Variants in SAMD12 observed in about 807,000 individuals in gnomAD.
The protein encoded by SAMD12 is sterile alpha motif domain containing 12.
Under a neutral mutation model 15.0 loss-of-function variants are expected in SAMD12, and 9 were observed. The ratio of observed to expected loss-of-function variants is 0.60; its 90% CI spans 0.36 to 1.05. SAMD12 has a LOEUF of 1.05. SAMD12 is among the 50% of genes least tolerant of loss of function. The pLI is 0.01. For missense variants in SAMD12, 230 were observed against 234.2 expected (o/e 0.98, Z 0.12); for synonymous variants, 86 against 90.1 (o/e 0.96, Z 0.25).
rs563678003 is a variant in SAMD12 at position 118,490,631 on chromosome 8, C to A, written c.193-50670G>T. Among the ~76,000 whole-genome samples, 13 of 152,252 alleles carry A rather than the reference C, an allele frequency of 8.5e-5. No homozygotes were observed. The East Asian group carries it at 1.9e-3, about 23-fold the overall frequency. On this transcript the variant is annotated intron_variant, in intron 2 of 3. Coordinates refer to ENST00000314727, the MANE Select transcript of SAMD12 (RefSeq NM_207506.3). ...TCCCTCTCACATCTCAGGAATACCA[C>A]GTCAATTCCTTTCCATGAAGTCCAA... is the stretch of plus-strand genomic sequence containing the variant.
intron 2 of SAMD12, among the ~76,000 whole-genome samples, chr8:118,548,077 C>T (rs1170408767): frequency 2.0e-5 from 3 of 152,100 alleles, no homozygotes; most frequent in Non-Finnish European, 4.4e-5. Flanking sequence ...TCTTTCTCAA[C>T]TCATGAAGAA....
chr8:118,479,905 T>A (rs956524463), intron 2 of SAMD12, among the ~76,000 whole-genome samples: 1 of 152,056 alleles, frequency 6.6e-6, no homozygotes, highest in African/African-American at 2.4e-5. Context: ...GCACATATTA[T>A]CTCTTGAAAA....
Position 118,439,955 on chromosome 8 carries a change from T to C in SAMD12, c.199A>G (p.Thr67Ala). ...GCCACCGGTTTAGATAGCTTCACCGTAGCTGACTATAAATAAAGAAGGAAG... is the reference window on the plus strand; with the variant it reads ...GCCACCGGTTTAGATAGCTTCACCGCAGCTGACTATAAATAAAGAAGGAAG... The part of the protein sequence containing the change: ...QAEAETAKSA[T>A]VKLSKPVALW... Residue 67 changes from threonine to alanine, a missense_variant, in exon 3 of 4, where the codon ACG (threonine) becomes GCG (alanine). By Grantham distance (58) the Thr-to-Ala change is moderately conservative. Coordinates refer to ENST00000314727, the MANE Select transcript of SAMD12 (RefSeq NM_207506.3). 2 of 1,613,478 alleles carry C rather than the reference T, an allele frequency of 1.2e-6. No individual in the cohort carries two copies. Among genetic ancestry groups the C allele is most frequent in the East Asian group, 2.2e-5 (1 of 44,874 alleles).
At chr8:118,502,461 T>C (rs986424374) in intron 2 of SAMD12, among the ~76,000 whole-genome samples, 1 of 152,216 alleles carries the variant, frequency 6.6e-6, no homozygotes, top group Non-Finnish European at 1.5e-5. Context: ...TTTACAATTA[T>C]TTGCCAGCCT....
At chr8:118,472,942 GGTATTTCCCA>G in intron 2 of SAMD12, among the ~76,000 whole-genome samples, 1 of 151,612 alleles carries the variant, frequency 6.6e-6, no homozygotes, top group South Asian at 2.1e-4. Flanking sequence ...AGGAGTGCTA[GGTATTTCCCA>G]GTATTTCCCA....
intron 3 of SAMD12, among the ~76,000 whole-genome samples, chr8:118,401,498 G>A (rs1158748317): frequency 1.3e-5 from 2 of 151,438 alleles, no homozygotes; most frequent in Non-Finnish European, 2.9e-5. Flanking sequence ...TGCCTCACAA[G>A]TGACTGGAAC....
chr8:118,513,510 T>A (rs1049095367), intron 2 of SAMD12, among the ~76,000 whole-genome samples: 2 of 152,176 alleles, frequency 1.3e-5, no homozygotes, highest in African/African-American at 4.8e-5. Flanking sequence ...AACCATAAAA[T>A]ATGTACATCT....
chr8:118,335,900 A>G (rs1817034151), intron 4 of SAMD12, among the ~76,000 whole-genome samples: 1 of 151,976 alleles, frequency 6.6e-6, no homozygotes, highest in South Asian at 2.1e-4. Context: ...CTAGCCCTCT[A>G]AGTTTTGTAC....
intron 3 of SAMD12, among the ~76,000 whole-genome samples, chr8:118,430,093 A>C (rs1366215810): frequency 6.6e-6 from 1 of 152,178 alleles, no homozygotes; most frequent in Non-Finnish European, 1.5e-5. Context: ...GAATTTTGTC[A>C]AATGCTTTCT....
intron 2 of SAMD12, among the ~76,000 whole-genome samples, chr8:118,486,625 C>T (rs1824294266): frequency 6.6e-6 from 1 of 152,066 alleles, no homozygotes; most frequent in African/African-American, 2.4e-5. Context: ...TTGATTTTAG[C>T]CCAAGGAGAC....
intron 4 of SAMD12, among the ~76,000 whole-genome samples, chr8:118,316,544 AC>A (rs200865747): frequency 0.092 from 13,966 of 151,924 alleles, 824 homozygotes; most frequent in Non-Finnish European, 0.12. Flanking sequence ...AAACAAACAA[AC>A]AAAAATTTGG....
rs545043625 is a variant in SAMD12 at position 118,239,103 on chromosome 8, A to T, written c.434-41371T>A. Reference sequence around the variant, plus strand: ...CACACCAGGGTATTCTTATGCCATGAGGATGGGGATGATGGTAGTGGTGAT... The same window carrying T: ...CACACCAGGGTATTCTTATGCCATGTGGATGGGGATGATGGTAGTGGTGAT... On this transcript the variant is annotated intron_variant, in intron 4 of 4. Coordinates refer to the SAMD12 transcript ENST00000409003. Among the ~76,000 whole-genome samples the T allele has an allele frequency of 2.0e-5, 3 of 152,250 alleles. No individual in the cohort carries two copies. The East Asian group carries it at 5.8e-4, about 29-fold the overall frequency.
chr8:118,243,107 C>A (rs914792080), intron 4 of SAMD12, among the ~76,000 whole-genome samples: 2 of 152,096 alleles, frequency 1.3e-5, no homozygotes, highest in African/African-American at 4.8e-5. Flanking sequence ...TGATGGAATG[C>A]TAGGCATCAA....
At chr8:118,308,706 A>G (rs1316769876) in intron 4 of SAMD12, among the ~76,000 whole-genome samples, 1 of 122,892 alleles carries the variant, frequency 8.1e-6, no homozygotes, top group Non-Finnish European at 1.6e-5. Context: ...AATATGTTGT[A>G]CACATGACTT....
rs1563861845 is a variant in SAMD12 at position 118,440,692 on chromosome 8, ACACAAAC to A, written c.193-738_193-732del. ...CACACACACACACACACACACACACACACAAACACACACACACACACACATATAAAAA... is the reference window on the plus strand; with the variant it reads ...CACACACACACACACACACACACACAACACACACACACACACATATAAAAA... On this transcript the variant is annotated intron_variant, in intron 2 of 3. Coordinates refer to ENST00000314727, the MANE Select transcript of SAMD12 (RefSeq NM_207506.3). Among the ~76,000 whole-genome samples, 175 of 140,730 alleles carry A rather than the reference ACACAAAC, an allele frequency of 1.2e-3. No individual in the cohort carries two copies. In the Middle Eastern group the frequency reaches 0.027, roughly 22 times the overall value. The allele number at this position is 140,730 out of a possible 152,430, so 92.3% of individuals were successfully genotyped here. A position where few individuals can be genotyped will look rare whatever the true frequency, so the allele number is the denominator to read the frequency against.
chr8:118,520,285 A>G (rs1267487962), intron 2 of SAMD12, among the ~76,000 whole-genome samples: 2 of 152,208 alleles, frequency 1.3e-5, no homozygotes, highest in Non-Finnish European at 2.9e-5. Context: ...CAGAAAATAC[A>G]GTCAATTTAA....
chr8:118,592,565 G>A (rs1486422105), intron 1 of SAMD12, among the ~76,000 whole-genome samples: 1 of 152,150 alleles, frequency 6.6e-6, no homozygotes, highest in African/African-American at 2.4e-5. Flanking sequence ...AATAATTAAA[G>A]CATATTTAAA....
chr8:118,299,784 C>A (rs28365519), intron 4 of SAMD12, among the ~76,000 whole-genome samples: 9,128 of 152,138 alleles, frequency 0.06, 796 homozygotes, highest in African/African-American at 0.19. Flanking sequence ...TCTTCATGGC[C>A]TACAGACATA....
chr8:118,493,314 C>T lies in SAMD12; in HGVS notation c.193-53353G>A, dbSNP rs145532175. Among the ~76,000 whole-genome samples, 241 of 152,288 alleles carry T rather than the reference C, an allele frequency of 1.6e-3. 1 individual carries two copies. Among genetic ancestry groups the T allele is most frequent in the African/African-American group, 4.5e-3 (187 of 41,562 alleles). ...AGTCTATTACTCCTACTGCATACTGCCTTATTCAGACCTCATCAGCTCTCA... is the reference window on the plus strand; with the variant it reads ...AGTCTATTACTCCTACTGCATACTGTCTTATTCAGACCTCATCAGCTCTCA... On this transcript the variant is annotated intron_variant, in intron 2 of 3. Coordinates refer to ENST00000314727, the MANE Select transcript of SAMD12 (RefSeq NM_207506.3).
Sources: gnomAD v4.1 joint callset for allele counts (sites outside exome capture counted in the v4.1 genomes callset) on GRCh38, gnomAD v4.1.1 for gene constraint, MANE v1.5 for transcripts, NCBI Gene and HGNC (gene_info 2026-07-23, HGNC 2026-07-21) for gene names.